Variants in USF3 observed in about 807,000 individuals in gnomAD.
The protein encoded by USF3 is basic helix-loop-helix domain-containing protein USF3.
Under a neutral mutation model 157.5 loss-of-function variants are expected in USF3, and 29 were observed. The ratio of observed to expected loss-of-function variants is 0.18; its 90% CI spans 0.14 to 0.25. USF3 has a LOEUF of 0.25. USF3 is among the 10% of genes least tolerant of loss of function. USF3 has a pLI of 1.00. For missense variants in USF3, 2,381 were observed against 2,667.6 expected (o/e 0.89, Z 2.37); for synonymous variants, 893 against 941.4 (o/e 0.95, Z 0.94).
chr3:113,658,468 C>T lies in USF3; in HGVS notation c.3214G>A (p.Glu1072Lys). ...TTGATCAAAGAACCATTAATAACCT[C>T]TTGATCAGGGAGGCAGGAATGATGC... is the stretch of plus-strand genomic sequence containing the variant. The part of the protein sequence containing the change: ...PQHHSCLPDQ[E>K]VINGSLINGR... Residue 1072 changes from glutamate (E) to lysine (K), a missense_variant, in exon 7 of 7, where the codon GAG becomes AAG. Transcript: ENST00000316407. The T allele has an allele frequency of 6.2e-7, 1 of 1,614,040 alleles. No individual in the cohort carries two copies. Among genetic ancestry groups the T allele is most frequent in the Non-Finnish European group, 8.5e-7 (1 of 1,179,932 alleles).
chr3:113,667,101 C>A (rs1273460931), intron 5 of USF3, among the ~76,000 whole-genome samples: 1 of 151,072 alleles, frequency 6.6e-6, no homozygotes, highest in Admixed American at 6.9e-5. Flanking sequence ...TGATTTAGTC[C>A]TTTGTTTGGC....
intron 1 of USF3, among the ~76,000 whole-genome samples, chr3:113,695,628 C>T (rs1287600349): frequency 1.3e-5 from 2 of 152,162 alleles, no homozygotes; most frequent in Admixed American, 6.5e-5. Flanking sequence ...TTGGTTTATG[C>T]AGTCTCATAT....
rs560903823 is a variant in USF3, at chr3:113,656,132, T to G, written c.5550A>C (p.Pro1850=). ...GACAATTATATTCAATTGCAGAGGA[T>G]GGACCACACTGTGTATTCCTCTGAT... is the stretch of plus-strand genomic sequence containing the variant. ...SEHQRNTQCG[P]SSAIEYNCPP... Residue 1850 remains proline, a synonymous_variant, in exon 7 of 7, where the codon CCA becomes CCC. Coordinates refer to ENST00000316407, the MANE Select transcript of USF3 (RefSeq NM_001009899.4). 6.2e-7 allele frequency: 1 copy of G among 1,614,216 alleles called. No individual in the cohort carries two copies. The highest frequency in any genetic ancestry group is 1.1e-5 in the South Asian group (1 of 91,086).
intron 1 of USF3, among the ~76,000 whole-genome samples, chr3:113,679,009 G>GTCTCTCTC (rs373834496): frequency 0.055 from 7,883 of 143,992 alleles, 264 homozygotes; most frequent in African/African-American, 0.095. Flanking sequence ...CCAGGCTGGT[G>GTCTCTCTC]TCTCTCTCTC....
chr3:113,678,244 C>A (rs1260821193), intron 1 of USF3, among the ~76,000 whole-genome samples: 1 of 152,072 alleles, frequency 6.6e-6, no homozygotes, highest in African/African-American at 2.4e-5. Context: ...CTAGTTCCAG[C>A]CTTTCCCCTG....
chr3:113,683,351 T>C (rs920167210), intron 1 of USF3, among the ~76,000 whole-genome samples: 1 of 151,450 alleles, frequency 6.6e-6, no homozygotes, highest in Admixed American at 6.6e-5. Flanking sequence ...CTATAAAAAC[T>C]ATTATCTAGT....
At chr3:113,690,437 T>C (rs1577055718) in intron 1 of USF3, among the ~76,000 whole-genome samples, 1 of 152,146 alleles carries the variant, frequency 6.6e-6, no homozygotes, top group East Asian at 1.9e-4. Context: ...TTTCCCACAA[T>C]CAACTGCATC....
At chr3:113,691,431 C>A (rs1301774428) in intron 1 of USF3, among the ~76,000 whole-genome samples, 1 of 152,234 alleles carries the variant, frequency 6.6e-6, no homozygotes, top group Non-Finnish European at 1.5e-5. Context: ...GACTTCCACA[C>A]TGCCAAATCC....
chr3:113,680,654 C>T (rs1345188042), intron 1 of USF3, among the ~76,000 whole-genome samples: 2 of 152,098 alleles, frequency 1.3e-5, no homozygotes, highest in Non-Finnish European at 2.9e-5. Context: ...TATACTAAAA[C>T]TATAAAAATT....
rs1318448146 is a variant in USF3, at chr3:113,658,488, T to A, written c.3194A>T (p.His1065Leu). The A allele has an allele frequency of 1.9e-6, 3 of 1,614,096 alleles. No homozygotes were observed. Among genetic ancestry groups the A allele is most frequent in the Non-Finnish European group, 1.7e-6 (2 of 1,179,940 alleles). Residue 1065 changes from histidine to leucine, a missense_variant, in exon 7 of 7, where the codon CAT (histidine) becomes CTT (leucine). Transcript: ENST00000316407. ...AACCTCTTGATCAGGGAGGCAGGAA[T>A]GATGCTGTGGAGGATCTCTATCATC... The part of the protein sequence containing the change: ...NNDDRDPPQH[H>L]SCLPDQEVIN...
rs1326439364 is a variant in USF3 at position 113,675,033 on chromosome 3, G to A, written c.-18-137C>T. 11 of 639,316 alleles carry A rather than the reference G, an allele frequency of 1.7e-5. No homozygotes were observed. In the East Asian group the frequency reaches 3.0e-4, roughly 17 times the overall value. 39.6% of individuals were successfully genotyped at this position (639,316 alleles called of 1,614,324 possible). The stretch of plus-strand genomic sequence containing the variant: ...ATTGAAAAGCATTGGATTAGGTGTT[G>A]CAGATAGAAAGAAGTATAAGAAAAT... On this transcript the variant is annotated intron_variant, in intron 2 of 6. Transcript: ENST00000316407.
chr3:113,693,796 A>G (rs529153791), intron 1 of USF3, among the ~76,000 whole-genome samples: 3 of 152,358 alleles, frequency 2.0e-5, no homozygotes, highest in East Asian at 3.9e-4. Flanking sequence ...AAACTTTCAT[A>G]AAAGTGTAAT....
At chr3:113,671,523 G>A (rs1208468209) in intron 4 of USF3, among the ~76,000 whole-genome samples, 2 of 152,114 alleles carry the variant, frequency 1.3e-5, no homozygotes, top group East Asian at 1.9e-4. Context: ...CAAAGGATAG[G>A]AGACATTATA....
chr3:113,689,016 G>C (rs1707623875), intron 1 of USF3, among the ~76,000 whole-genome samples: 1 of 145,888 alleles, frequency 6.9e-6, no homozygotes, highest in African/African-American at 2.5e-5. Context: ...GGGCAACAGA[G>C]GGAGACTCCA....
Position 113,658,323 on chromosome 3 carries a change from G to T in USF3, c.3359C>A (p.Thr1120Lys). 2 of 1,614,162 alleles carry T rather than the reference G, an allele frequency of 1.2e-6. No individual in the cohort carries two copies. The highest frequency in any genetic ancestry group is 1.7e-6 in the Non-Finnish European group (2 of 1,180,010). The change falls in exon 7 of 7, where the codon ACA (threonine) becomes AAA (lysine). Residue 1120 changes from threonine to lysine, a missense_variant. By Grantham distance (78) the Thr-to-Lys change is moderately conservative (BLOSUM62 -1). Transcript: ENST00000316407. Reference protein sequence around the residue: ...EDVTSNATTNTCDSCTFVEQT... With the variant: ...EDVTSNATTNKCDSCTFVEQT... ...CTCTACAAAGGTACAGCTGTCACAT[G>T]TATTAGTTGTTGCATTGCTGGTCAC...
Position 113,667,097 on chromosome 3 carries a change from A to C in USF3, c.160-2688T>G, listed in dbSNP as rs560755273. On this transcript the variant is annotated intron_variant, in intron 5 of 6. Coordinates refer to ENST00000316407, the MANE Select transcript of USF3 (RefSeq NM_001009899.4). ...TTTCATGTAGGAATCACTGTGATTT[A>C]GTCCTTTGTTTGGCAATTTATAATT... Among the ~76,000 whole-genome samples the C allele has an allele frequency of 2.0e-5, 3 of 151,314 alleles. No homozygotes were observed. In the Admixed American group the frequency reaches 2.1e-4, roughly 10 times the overall value.
chr3:113,684,301 G>A (rs1707500535), intron 1 of USF3, among the ~76,000 whole-genome samples: 2 of 151,582 alleles, frequency 1.3e-5, no homozygotes. Context: ...CTTGACCTTT[G>A]GGAGTGTGAT....
At position 113,659,707 on chromosome 3, in the gene USF3, G is replaced by A; in HGVS notation, c.1975C>T (p.Gln659Ter). ...TQTFSVTMSNQQPQTISLNGQ... is the reference protein window; with the variant it reads ...TQTFSVTMSN ...TTTAAAGAAATGGTTTGAGGCTGTT[G>A]GTTTGACATGGTAACAGAAAAAGTT... Residue 659 changes from glutamine (Q) to a stop codon, truncating the protein, a stop_gained, in exon 7 of 7, where the codon CAA becomes TAA. Transcript: ENST00000316407. LOFTEE classifies it high-confidence loss of function. 6.2e-7 allele frequency: 1 copy of A among 1,614,218 alleles called. No individual in the cohort carries two copies. Among genetic ancestry groups the A allele is most frequent in the Non-Finnish European group, 8.5e-7 (1 of 1,180,026 alleles).
Position 113,660,583 on chromosome 3 carries a change from T to C in USF3, c.1099A>G (p.Ser367Gly). 1 of 1,614,196 alleles carries C rather than the reference T, an allele frequency of 6.2e-7. No individual in the cohort carries two copies. The highest frequency in any genetic ancestry group is 8.5e-7 in the Non-Finnish European group (1 of 1,180,042). The change falls in exon 7 of 7, where the codon AGT becomes GGT. Residue 367 changes from serine (S) to glycine (G), a missense_variant. Coordinates refer to ENST00000316407, the MANE Select transcript of USF3 (RefSeq NM_001009899.4). The part of the protein sequence containing the change: ...MSISKSADLT[S>G]TATVVASSAP... The stretch of plus-strand genomic sequence containing the variant: ...GATGATGCCACCACTGTAGCTGTAC[T>C]TGTCAAGTCTGCACTCTTACTAATG...
Sources: gnomAD v4.1 joint callset for allele counts (sites outside exome capture counted in the v4.1 genomes callset) on GRCh38, gnomAD v4.1.1 for gene constraint, MANE v1.5 for transcripts, NCBI Gene and HGNC (gene_info 2026-07-23, HGNC 2026-07-21) for gene names.